Variants in DCAF1 observed in about 807,000 individuals in gnomAD.
The protein encoded by DCAF1 is DDB1- and CUL4-associated factor 1.
DCAF1 carries 15 observed loss-of-function variants against 128.0 expected under a neutral mutation model. The observed-to-expected ratio is 0.12, with a 90% confidence interval of 0.08 to 0.18. The LOEUF (loss-of-function observed/expected upper bound fraction) is 0.18. Among genes scored for constraint, DCAF1 ranks in the 10% least tolerant of loss-of-function variants. The pLI is 1.00. For synonymous variants in DCAF1, 610 were observed against 603.0 expected (o/e 1.01, Z -0.17); for missense variants, 988 against 1,649.5 (o/e 0.60, Z 6.95).
At chr3:51,472,485 C>G (rs1414720942) in intron 3 of DCAF1, among the ~76,000 whole-genome samples, 1 of 151,992 alleles carries the variant, frequency 6.6e-6, no homozygotes, top group Non-Finnish European at 1.5e-5. Context: ...CTCTTGGCCT[C>G]AAGCAATCCT....
At chr3:51,489,429 T>A (rs1553656901) in intron 2 of DCAF1, among the ~76,000 whole-genome samples, 1 of 151,968 alleles carries the variant, frequency 6.6e-6, no homozygotes, top group African/African-American at 2.4e-5. Context: ...AGTGAGACTC[T>A]GTCTCAAAAA....
At chr3:51,411,666 TA>T (rs1485543239) in intron 23 of DCAF1, among the ~76,000 whole-genome samples, 2 of 152,168 alleles carry the variant, frequency 1.3e-5, no homozygotes, top group Non-Finnish European at 2.9e-5. Flanking sequence ...GACTATGCCA[TA>T]AAACTGAGAA....
At chr3:51,418,381 T>C (rs1338428412) in intron 16 of DCAF1, among the ~76,000 whole-genome samples, 183 bp from the exon 17 acceptor site, 3 of 152,198 alleles carry the variant, frequency 2.0e-5, no homozygotes, top group African/African-American at 7.2e-5. Flanking sequence ...ACACCTATAG[T>C]GTCCTATAAA....
chr3:51,477,896 A>G (rs1347928171), intron 3 of DCAF1, among the ~76,000 whole-genome samples: 1 of 152,084 alleles, frequency 6.6e-6, no homozygotes, highest in Non-Finnish European at 1.5e-5. Flanking sequence ...TTCCCATTCC[A>G]GTAGCTTTTA....
intron 2 of DCAF1, among the ~76,000 whole-genome samples, chr3:51,496,380 T>G (rs542005633): frequency 6.6e-6 from 1 of 152,170 alleles, no homozygotes; most frequent in Admixed American, 6.6e-5. Context: ...TGAGCCGAGA[T>G]CGCGCCACTG....
intron 23 of DCAF1, among the ~76,000 whole-genome samples, chr3:51,404,404 TG>T (rs1479713242): frequency 8.5e-5 from 13 of 152,234 alleles, no homozygotes; most frequent in Non-Finnish European, 1.3e-4. Flanking sequence ...AAATTTTTTT[TG>T]TTCTTATTAT....
chr3:51,400,755 T>C (rs943267190), intron 24 of DCAF1, among the ~76,000 whole-genome samples: 3 of 151,880 alleles, frequency 2.0e-5, no homozygotes, highest in African/African-American at 7.3e-5. Context: ...ACAATCTAGG[T>C]ATAATTAATC....
intron 4 of DCAF1, among the ~76,000 whole-genome samples, chr3:51,469,592 G>A (rs1704514369): frequency 6.6e-6 from 1 of 152,032 alleles, no homozygotes; most frequent in African/African-American, 2.4e-5. Flanking sequence ...TGTACTATGG[G>A]CCCATGCATG....
chr3:51,449,873 A>G (rs1702194202), intron 6 of DCAF1, among the ~76,000 whole-genome samples: 1 of 152,178 alleles, frequency 6.6e-6, no homozygotes, highest in South Asian at 2.1e-4. Flanking sequence ...ACAATTGTAC[A>G]ACAACAAATT....
intron 3 of DCAF1, among the ~76,000 whole-genome samples, chr3:51,482,891 C>T (rs1304420278): frequency 6.6e-6 from 1 of 150,834 alleles, no homozygotes; most frequent in Non-Finnish European, 1.5e-5. Context: ...AATCCCAGCA[C>T]TTTGGGAGGC....
chr3:51,466,730 AT>A (rs1577241470), intron 5 of DCAF1, 72 bp downstream of exon 5: 2 of 1,505,974 alleles, frequency 1.3e-6, no homozygotes, highest in Non-Finnish European at 1.8e-6. Flanking sequence ...AAGGCAAACT[AT>A]TCACGAAAAA....
At chr3:51,501,181 C>T (rs1278955740), upstream of DCAF1, among the ~76,000 whole-genome samples, 1 of 152,142 alleles carries the variant, frequency 6.6e-6, no homozygotes, top group Non-Finnish European at 1.5e-5. Context: ...GGTTATTATA[C>T]GTGAGGCAGA....
intron 2 of DCAF1, among the ~76,000 whole-genome samples, chr3:51,496,532 C>A (rs1269276491): frequency 1.3e-5 from 2 of 151,546 alleles, no homozygotes; most frequent in African/African-American, 4.8e-5. Flanking sequence ...AATGGTGACA[C>A]GGTAGTTACC....
intron 6 of DCAF1, among the ~76,000 whole-genome samples, chr3:51,452,121 T>C (rs782260662): frequency 1.3e-5 from 2 of 151,814 alleles, no homozygotes; most frequent in Non-Finnish European, 2.9e-5. Flanking sequence ...ACAATCACAG[T>C]TCACTGCAGC....
chr3:51,397,600 A>C, downstream of DCAF1: 1 of 167,290 alleles, frequency 6.0e-6, no homozygotes. Context: ...CTGCGTCCAC[A>C]GGGAACAAAG....
chr3:51,457,390 C>G (rs1703041545), intron 6 of DCAF1, among the ~76,000 whole-genome samples: 1 of 152,126 alleles, frequency 6.6e-6, no homozygotes, highest in African/African-American at 2.4e-5. Flanking sequence ...ACGAACAAAG[C>G]CTCCAAGAAA....
At chr3:51,417,998 T>C (rs1553630978) in intron 17 of DCAF1, 118 bp downstream of exon 17, 1 of 1,313,942 alleles carries the variant, frequency 7.6e-7, no homozygotes, top group African/African-American at 1.5e-5. Flanking sequence ...AAGAGAGAAG[T>C]TAACAATAAC....
intron 23 of DCAF1, among the ~76,000 whole-genome samples, chr3:51,409,903 G>C (rs902039028): frequency 3.9e-5 from 6 of 152,162 alleles, no homozygotes; most frequent in Non-Finnish European, 7.3e-5. Context: ...TGTACAAGCT[G>C]TAACAGCACA....
intron 15 of DCAF1, among the ~76,000 whole-genome samples, chr3:51,419,185 A>T (rs1465588260): frequency 6.6e-6 from 1 of 151,996 alleles, no homozygotes; most frequent in Non-Finnish European, 1.5e-5. Context: ...ACATGGTAAA[A>T]CCCCATCTCT....
Sources: allele counts gnomAD v4.1 joint callset (sites outside exome capture counted in the v4.1 genomes callset), GRCh38; gene constraint gnomAD v4.1.1; transcripts MANE v1.5; gene names NCBI Gene and HGNC (gene_info 2026-07-23, HGNC 2026-07-21).